Variants in FAM120C observed in about 807,000 individuals in gnomAD.
The protein encoded by FAM120C is constitutive coactivator of PPAR-gamma-like protein 2.
A neutral mutation model predicts 71.2 loss-of-function variants in FAM120C; 14 were observed. That is an observed-to-expected ratio of 0.20 (90% CI 0.13 to 0.31). The LOEUF (loss-of-function observed/expected upper bound fraction) is 0.31, where lower values mean the gene tolerates loss of function less well. Ranked by LOEUF, FAM120C falls within the 10% of genes least tolerant of loss-of-function variation. The pLI, the probability that FAM120C is intolerant of heterozygous loss-of-function variation, is 1.00. For synonymous variants in FAM120C, 354 were observed against 353.2 expected (o/e 1.00, Z -0.03); for missense variants, 500 against 879.0 (o/e 0.57, Z 5.45).
At chrX:54,080,346 T>C in intron 14 of FAM120C, 57 bp from the exon 15 acceptor site, 1 of 980,541 alleles carries the variant, frequency 1.0e-6, no homozygotes, top group Admixed American at 2.3e-5. Flanking sequence ...CACACCCCTT[T>C]TCACTTGGTT....
In FAM120C at chrX:54,074,538, C is replaced by G. The variant is rs782158688; in HGVS notation, c.3037-1251G>C. ...GATTCAAGCAATTCTCCTGCCTCAG[C>G]CTCCCGAGTAGCTGGGATTACAGGC... is the stretch of plus-strand genomic sequence containing the variant. On this transcript the variant is annotated intron_variant, in intron 15 of 15. Transcript: ENST00000375180. Among the ~76,000 whole-genome samples the G allele has an allele frequency of 1.5e-3, 172 of 112,643 alleles. 1 individual carries two copies. Among genetic ancestry groups the G allele is most frequent in the Non-Finnish European group, 2.3e-3 (125 of 53,338 alleles).
chrX:54,159,904 G>A lies in FAM120C; in HGVS notation c.700-288C>T, dbSNP rs782033915. ...AGGTGTGAGCCACTGTGCCCAACCA[G>A]AACAGAATACTCTTAAAAAACAAAA... On this transcript the variant is annotated intron_variant, in intron 1 of 15. Coordinates refer to ENST00000375180, the MANE Select transcript of FAM120C (RefSeq NM_017848.6). Among the ~76,000 whole-genome samples, 72 of 108,450 alleles carry A rather than the reference G, an allele frequency of 6.6e-4. 2 individuals carry two copies. The South Asian group carries it at 0.019, about 28-fold the overall frequency. The allele number at this position is 108,450 out of a possible 115,157, so 94.2% of individuals were successfully genotyped here. A position where few individuals can be genotyped will look rare whatever the true frequency, so the allele number is the denominator to read the frequency against.
chrX:54,085,978 GC>G, intron 12 of FAM120C, 62 bp from the exon 13 acceptor site: 2 of 1,007,374 alleles, frequency 2.0e-6, no homozygotes, highest in Non-Finnish European at 2.8e-6. Context: ...CATGTTTTAG[GC>G]CCAGGATGGA....
At chrX:54,079,213 G>T (rs2066751787) in intron 15 of FAM120C, among the ~76,000 whole-genome samples, 1 of 100,013 alleles carries the variant, frequency 1.0e-5, no homozygotes, top group Non-Finnish European at 2.0e-5. Flanking sequence ...AGTGAGCCGA[G>T]ATCGCGCCAC....
At chrX:54,176,116 T>G (rs1003626891) in intron 1 of FAM120C, among the ~76,000 whole-genome samples, 152 of 111,657 alleles carry the variant, frequency 1.4e-3, no homozygotes, top group African/African-American at 4.6e-3. Flanking sequence ...TGTTTTTTTG[T>G]TTTTTGGTTT....
intron 2 of FAM120C, 82 bp downstream of exon 2, chrX:54,159,288 G>T: frequency 9.0e-7 from 1 of 1,109,135 alleles, no homozygotes; most frequent in Non-Finnish European, 1.2e-6. Flanking sequence ...AATGATGACA[G>T]GCTAAATCAC....
chrX:54,167,770 G>C (rs2067267057), intron 1 of FAM120C, among the ~76,000 whole-genome samples: 1 of 105,340 alleles, frequency 9.5e-6, no homozygotes, highest in Non-Finnish European at 1.9e-5. Flanking sequence ...TTTGAAACCA[G>C]CCTGGCCAAT....
At chrX:54,140,952 AAAAG>A (rs1308802342) in intron 4 of FAM120C, among the ~76,000 whole-genome samples, 2 of 110,669 alleles carry the variant, frequency 1.8e-5, no homozygotes, top group South Asian at 3.8e-4. Flanking sequence ...AAAAAAAAAA[AAAAG>A]AAAGAAAGAA....
chrX:54,094,184 G>A (rs782819552), intron 10 of FAM120C, among the ~76,000 whole-genome samples: 1 of 98,053 alleles, frequency 1.0e-5, no homozygotes, highest in Admixed American at 1.3e-4. Flanking sequence ...TCCAAGCTCC[G>A]TCTCCTGGGT....
intron 1 of FAM120C, among the ~76,000 whole-genome samples, chrX:54,177,205 G>C (rs1320317490): frequency 9.0e-6 from 1 of 111,288 alleles, no homozygotes; most frequent in African/African-American, 3.3e-5. Flanking sequence ...GTTTGGACTC[G>C]GTAGGGTGGG....
At chrX:54,138,569 G>A (rs2146614684) in intron 4 of FAM120C, among the ~76,000 whole-genome samples, 1 of 107,852 alleles carries the variant, frequency 9.3e-6, no homozygotes, top group South Asian at 4.1e-4. Context: ...GCTCACACCT[G>A]TAATCTCAGC....
chrX:54,118,394 G>C (rs2066984727), intron 9 of FAM120C, among the ~76,000 whole-genome samples: 1 of 110,871 alleles, frequency 9.0e-6, no homozygotes, highest in African/African-American at 3.3e-5. Context: ...GTTGCTTCCA[G>C]TTTGGGGTCA....
chrX:54,142,289 T>A (rs1569533050), intron 4 of FAM120C, among the ~76,000 whole-genome samples: 1 of 111,924 alleles, frequency 8.9e-6, no homozygotes, highest in Non-Finnish European at 1.9e-5. Context: ...TTGCCTCACC[T>A]GGGAAGCGCA....
chrX:54,084,599 C>A (rs905325878), intron 13 of FAM120C, among the ~76,000 whole-genome samples: 1 of 110,911 alleles, frequency 9.0e-6, no homozygotes, highest in Admixed American at 9.7e-5. Context: ...GAGGCCAAGG[C>A]GGGCAGATCA....
intron 13 of FAM120C, among the ~76,000 whole-genome samples, chrX:54,082,044 G>A (rs1421789362): frequency 9.3e-6 from 1 of 108,062 alleles, no homozygotes; most frequent in Non-Finnish European, 1.9e-5. Context: ...TTAGCCGGGC[G>A]TGGTGGTCCG....
chrX:54,127,584 CAAAAAAAAAA>C (rs782016062), intron 9 of FAM120C, among the ~76,000 whole-genome samples: 2 of 25,191 alleles, frequency 7.9e-5, no homozygotes, highest in Non-Finnish European at 1.5e-4. Context: ...GACTCCATCT[CAAAAAAAAAA>C]AAAAAAAAAA....
At chrX:54,139,715 G>A (rs782648998) in intron 4 of FAM120C, among the ~76,000 whole-genome samples, 202 of 110,123 alleles carry the variant, frequency 1.8e-3, no homozygotes, top group African/African-American at 6.2e-3. Context: ...TGCCCAGGCT[G>A]GAGTACAGTG....
In FAM120C at chrX:54,071,695, A is replaced by T. The variant is rs1449581895; in HGVS notation, c.*1338T>A. On this transcript the variant is annotated 3_prime_UTR_variant, in exon 16 of 16. Coordinates refer to ENST00000375180, the MANE Select transcript of FAM120C (RefSeq NM_017848.6). The stretch of plus-strand genomic sequence containing the variant: ...CAACCTCCTGTTTTCACCATATGGG[A>T]TGTGAGGGCTCTGTTCAAGATTAAG... 3.6e-5 allele frequency: 4 copies of T among 111,679 alleles called. No individual in the cohort carries two copies. The highest frequency in any genetic ancestry group is 1.3e-4 in the African/African-American group (4 of 30,756). 9.2% of individuals were successfully genotyped at this position (111,679 alleles called of 1,213,427 possible). A position where few individuals can be genotyped will look rare whatever the true frequency, so the allele number is the denominator to read the frequency against.
chrX:54,139,594 G>A (rs1417012847), intron 4 of FAM120C, among the ~76,000 whole-genome samples: 1 of 110,682 alleles, frequency 9.0e-6, no homozygotes, highest in African/African-American at 3.3e-5. Flanking sequence ...GTCCATCTCG[G>A]CCTCCCAAAG....
Sources: gnomAD v4.1 joint callset for allele counts (sites outside exome capture counted in the v4.1 genomes callset) on GRCh38, gnomAD v4.1.1 for gene constraint, MANE v1.5 for transcripts, NCBI Gene and HGNC (gene_info 2026-07-23, HGNC 2026-07-21) for gene names.